Variants in ORC4 observed in about 807,000 individuals in gnomAD.
The protein encoded by ORC4 is origin recognition complex subunit 4.
A neutral mutation model predicts 63.9 loss-of-function variants in ORC4; 55 were observed. The ratio of observed to expected loss-of-function variants is 0.86; its 90% confidence interval spans 0.69 to 1.08. ORC4 has a LOEUF of 1.08. ORC4 is among the 50% of genes least tolerant of loss of function. The pLI is 0.00. For synonymous variants in ORC4, 150 were observed against 168.5 expected, an observed-to-expected ratio of 0.89 and a Z score of 0.85; for missense variants, 511 against 504.4, an observed-to-expected ratio of 1.01 and a Z score of -0.13.
chr2:147,949,676 C>T (rs1339716113), intron 8 of ORC4, among the ~76,000 whole-genome samples: 2 of 152,024 alleles, frequency 1.3e-5, no homozygotes, highest in Non-Finnish European at 2.9e-5. Flanking sequence ...CTCTTATCTC[C>T]TAAAAATACA....
intron 9 of ORC4, among the ~76,000 whole-genome samples, chr2:147,944,252 C>G (rs1390117093): frequency 2.0e-5 from 3 of 151,840 alleles, no homozygotes; most frequent in African/African-American, 7.3e-5. Flanking sequence ...ACAAAATGGC[C>G]TGTGAAAAGT....
At chr2:147,950,887 T>C (rs1004438594) in intron 8 of ORC4, among the ~76,000 whole-genome samples, 2 of 152,112 alleles carry the variant, frequency 1.3e-5, no homozygotes, top group Non-Finnish European at 2.9e-5. Flanking sequence ...TGGCATTTTA[T>C]TTGGTCCGTT....
chr2:148,009,243 T>C (rs1202452388), intron 1 of ORC4, among the ~76,000 whole-genome samples: 1 of 151,400 alleles, frequency 6.6e-6, no homozygotes, highest in Non-Finnish European at 1.5e-5. Context: ...AGGAAAAAAA[T>C]GGGGGAAAAG....
intron 1 of ORC4, among the ~76,000 whole-genome samples, chr2:147,991,322 T>A (rs1691591359): frequency 6.6e-6 from 1 of 152,098 alleles, no homozygotes; most frequent in African/African-American, 2.4e-5. Context: ...CTGCTGGGAT[T>A]ACAGGCGTGA....
At chr2:148,019,597 A>C (rs1693556771) in intron 1 of ORC4, among the ~76,000 whole-genome samples, 2 of 152,246 alleles carry the variant, frequency 1.3e-5, no homozygotes, top group Admixed American at 6.5e-5. Context: ...CTCAAAACAA[A>C]AAACAAACAA....
At chr2:147,967,789 GA>G (rs796935719) in intron 4 of ORC4, among the ~76,000 whole-genome samples, 2 of 151,644 alleles carry the variant, frequency 1.3e-5, no homozygotes, top group African/African-American at 4.8e-5. Context: ...CACAGAGATA[GA>G]AAAAAAATCC....
intron 13 of ORC4, 35 bp downstream of exon 13, chr2:147,938,111 T>TGA (rs771110445): frequency 7.2e-7 from 1 of 1,391,604 alleles, no homozygotes; most frequent in East Asian, 2.3e-5. Context: ...AAAATATACT[T>TGA]GTCTGTAGAA....
At chr2:147,998,567 C>G (rs1375262221) in intron 1 of ORC4, among the ~76,000 whole-genome samples, 1 of 152,138 alleles carries the variant, frequency 6.6e-6, no homozygotes, top group Non-Finnish European at 1.5e-5. Context: ...TTGACCTTGT[C>G]CACCGTGTTG....
At chr2:147,984,509 T>C (rs768960681) in intron 1 of ORC4, among the ~76,000 whole-genome samples, 1 of 152,126 alleles carries the variant, frequency 6.6e-6, no homozygotes, top group African/African-American at 2.4e-5. Flanking sequence ...TATATGCAGA[T>C]TTTCAACTGC....
intron 8 of ORC4, among the ~76,000 whole-genome samples, chr2:147,950,986 T>G (rs1688928155): frequency 6.6e-6 from 1 of 151,534 alleles, no homozygotes; most frequent in African/African-American, 2.4e-5. Context: ...CTTTGATCCT[T>G]GTCATCGCCT....
At chr2:147,964,283 T>C (rs1436461054) in intron 4 of ORC4, among the ~76,000 whole-genome samples, 1 of 152,032 alleles carries the variant, frequency 6.6e-6, no homozygotes, top group African/African-American at 2.4e-5. Flanking sequence ...ACAGAAATCC[T>C]ACAGCTGAAG....
intron 10 of ORC4, among the ~76,000 whole-genome samples, chr2:147,939,633 T>C (rs542167240): frequency 5.9e-5 from 9 of 152,292 alleles, no homozygotes; most frequent in Admixed American, 2.6e-4. Flanking sequence ...GTTAACTTTT[T>C]CACCACCCAA....
intron 4 of ORC4, among the ~76,000 whole-genome samples, chr2:147,972,034 T>C (rs1690243214): frequency 6.6e-6 from 1 of 152,100 alleles, no homozygotes; most frequent in African/African-American, 2.4e-5. Context: ...ATATAATACA[T>C]GAGAACAGAT....
At chr2:147,955,445 A>C in intron 6 of ORC4, 50 bp from the exon 7 acceptor site, 2 of 1,305,466 alleles carry the variant, frequency 1.5e-6, no homozygotes, top group Non-Finnish European at 2.2e-6. Flanking sequence ...GAAATAAAGA[A>C]CAAAAGATGG....
chr2:147,996,555 T>C (rs527785350), intron 1 of ORC4, among the ~76,000 whole-genome samples: 2 of 152,144 alleles, frequency 1.3e-5, no homozygotes, highest in Non-Finnish European at 2.9e-5. Context: ...TTACACAAAA[T>C]ATACAAAGAA....
intron 4 of ORC4, among the ~76,000 whole-genome samples, chr2:147,963,519 G>A (rs971944066): frequency 6.6e-6 from 1 of 152,088 alleles, no homozygotes; most frequent in Non-Finnish European, 1.5e-5. Flanking sequence ...TAAGCCAGTC[G>A]AGGAACTGTA....
At chr2:148,012,189 T>C (rs915132350) in intron 1 of ORC4, among the ~76,000 whole-genome samples, 20 of 152,278 alleles carry the variant, frequency 1.3e-4, no homozygotes, top group Non-Finnish European at 2.5e-4. Flanking sequence ...CTTACCACAC[T>C]ACCAAACCTC....
chr2:148,018,712 G>A (rs74345761), intron 1 of ORC4, among the ~76,000 whole-genome samples: 1 of 152,116 alleles, frequency 6.6e-6, no homozygotes, highest in Non-Finnish European at 1.5e-5. Context: ...ATACAATTAA[G>A]AAACAGGCAA....
chr2:148,016,536 G>GT (rs1693302216), intron 1 of ORC4, among the ~76,000 whole-genome samples: 1 of 152,140 alleles, frequency 6.6e-6, no homozygotes, highest in Admixed American at 6.5e-5. Flanking sequence ...GGGCTACAAA[G>GT]TTTTGCCTCA....
Sources: gnomAD v4.1 joint callset for allele counts (sites outside exome capture counted in the v4.1 genomes callset) on GRCh38, gnomAD v4.1.1 for gene constraint, MANE v1.5 for transcripts, NCBI Gene and HGNC (gene_info 2026-07-23, HGNC 2026-07-21) for gene names.